Variants in SNX30 observed in about 807,000 individuals in gnomAD.
SNX30 encodes the protein sorting nexin-30.
Under a neutral mutation model 46.4 loss-of-function variants are expected in SNX30, and 24 were observed. The ratio of observed to expected loss-of-function variants is 0.52; its 90% CI spans 0.37 to 0.73. The LOEUF (loss-of-function observed/expected upper bound fraction) is 0.73. Ranked by LOEUF, SNX30 falls within the 30% of genes least tolerant of loss-of-function variation. SNX30 has a pLI of 0.00. For missense variants in SNX30, 533 were observed against 555.7 expected, an observed-to-expected ratio of 0.96 and a Z score of 0.41; for synonymous variants, 189 against 211.5, an observed-to-expected ratio of 0.89 and a Z score of 0.92.
intron 6 of SNX30, 79 bp downstream of exon 6, chr9:112,838,776 T>C: frequency 7.3e-7 from 1 of 1,372,786 alleles, no homozygotes; most frequent in Non-Finnish European, 1.0e-6. Context: ...TTATTGCCTG[T>C]TTGCATGTGA....
intron 2 of SNX30, 107 bp downstream of exon 2, chr9:112,805,074 A>G (rs1840204247): frequency 2.9e-6 from 2 of 697,228 alleles, no homozygotes; most frequent in African/African-American, 3.6e-5. Context: ...AACTCTGTTC[A>G]CCTTGATTGC....
At chr9:112,841,183 A>G (rs1190671244) in intron 6 of SNX30, among the ~76,000 whole-genome samples, 1 of 152,222 alleles carries the variant, frequency 6.6e-6, no homozygotes, top group African/African-American at 2.4e-5. Context: ...AATCCAATGC[A>G]TACACAGCAC....
chr9:112,880,179 A>C (rs960840694), exon 5 of SNX30: 8 of 164,996 alleles, frequency 4.8e-5, no homozygotes, highest in African/African-American at 1.9e-4. Flanking sequence ...AAAAATACAA[A>C]AATTAGCTGG....
intron 2 of SNX30, among the ~76,000 whole-genome samples, chr9:112,814,802 A>G (rs184369303): frequency 1.2e-4 from 18 of 152,334 alleles, no homozygotes; most frequent in East Asian, 1.9e-4. Flanking sequence ...CAGCAATTCT[A>G]TCTTTAGGAA....
chr9:112,849,897 C>T (rs1840997119), intron 6 of SNX30, among the ~76,000 whole-genome samples: 1 of 152,226 alleles, frequency 6.6e-6, no homozygotes, highest in Non-Finnish European at 1.5e-5. Flanking sequence ...TCTCATCACT[C>T]TTGGTTTGCC....
chr9:112,817,854 C>A, intron 3 of SNX30, 39 bp downstream of exon 3: 2 of 1,363,606 alleles, frequency 1.5e-6, no homozygotes, highest in Non-Finnish European at 2.1e-6. Context: ...CTCACTTGTC[C>A]TGTGTTGTCT....
intron 4 of SNX30, among the ~76,000 whole-genome samples, chr9:112,834,873 CACACACA>C (rs1564285828): frequency 2.1e-5 from 2 of 94,686 alleles, no homozygotes; most frequent in Non-Finnish European, 5.5e-5. Flanking sequence ...CACACACACA[CACACACA>C]CACCTACCTC....
Position 112,872,017 on chromosome 9 carries a change from T to G in SNX30, c.*3174T>G, listed in dbSNP as rs1841454389. 1 of 152,244 alleles carries G rather than the reference T, an allele frequency of 6.6e-6. No homozygotes were observed. The highest frequency in any genetic ancestry group is 1.5e-5 in the Non-Finnish European group (1 of 68,048). 9.4% of individuals were successfully genotyped at this position (152,244 alleles called of 1,614,324 possible). A position where few individuals can be genotyped will look rare whatever the true frequency, so the allele number is the denominator to read the frequency against. On this transcript the variant is annotated 3_prime_UTR_variant, in exon 9 of 9. Coordinates refer to ENST00000374232, the MANE Select transcript of SNX30 (RefSeq NM_001012994.2). ...GCTCCATATTCCACCACGTCATTCCTTCAACTCACCAGACACCTTTCTTTA... is the reference window on the plus strand; with the variant it reads ...GCTCCATATTCCACCACGTCATTCCGTCAACTCACCAGACACCTTTCTTTA...
In SNX30 at chr9:112,868,882, G is replaced by A. The variant is rs116220712; in HGVS notation, c.*39G>A. 2.2e-3 allele frequency: 3,449 copies of A among 1,598,954 alleles called. 62 individuals carry two copies. In the African/African-American group the frequency reaches 0.038, roughly 18 times the overall value. ...GACGGAGACTCTTCTACCTACACAG[G>A]GCCTGGCACCCTATACCGGAATGTC... On this transcript the variant is annotated 3_prime_UTR_variant, in exon 9 of 9. Coordinates refer to ENST00000374232, the MANE Select transcript of SNX30 (RefSeq NM_001012994.2).
chr9:112,879,030 T>C (rs1841547140), downstream of SNX30: 1 of 152,190 alleles, frequency 6.6e-6, no homozygotes, highest in East Asian at 1.9e-4. Flanking sequence ...CTCCTCTTCC[T>C]TCACACCACC....
At chr9:112,864,876 A>T (rs1400533881) in intron 8 of SNX30, among the ~76,000 whole-genome samples, 1 of 152,140 alleles carries the variant, frequency 6.6e-6, no homozygotes, top group Non-Finnish European at 1.5e-5. Context: ...CAAAATATTG[A>T]TTTTAAATAC....
chr9:112,832,510 G>GA (rs1554754473), intron 4 of SNX30, among the ~76,000 whole-genome samples: 12,439 of 138,058 alleles, frequency 0.09, 951 homozygotes, highest in African/African-American at 0.18. Context: ...GAGAGAGAGA[G>GA]AGGAGATTTA....
chr9:112,778,002 C>G (rs1383488552), intron 1 of SNX30, among the ~76,000 whole-genome samples: 1 of 152,034 alleles, frequency 6.6e-6, no homozygotes, highest in South Asian at 2.1e-4. Flanking sequence ...CTAGGTGTCT[C>G]TTGTATTTGG....
At position 112,872,828 on chromosome 9, in the gene SNX30, C is replaced by G. The variant is rs966776407; in HGVS notation, c.*3985C>G. The G allele has an allele frequency of 1.3e-5, 2 of 152,194 alleles. No homozygotes were observed. The highest frequency in any genetic ancestry group is 4.8e-5 in the African/African-American group (2 of 41,434). 9.4% of individuals were successfully genotyped at this position (152,194 alleles called of 1,614,324 possible). On this transcript the variant is annotated 3_prime_UTR_variant, in exon 9 of 9. Coordinates refer to ENST00000374232, the MANE Select transcript of SNX30 (RefSeq NM_001012994.2). ...CTCTCATTTCTTGTGTCTTGTCTGT[C>G]AGATGGCAGGAGGCCTGTATCAGTA...
At chr9:112,880,701 A>G (rs1320583445) in intron 5 of SNX30, among the ~76,000 whole-genome samples, 1 of 152,178 alleles carries the variant, frequency 6.6e-6, no homozygotes, top group East Asian at 1.9e-4. Flanking sequence ...TTACTGTGCA[A>G]TGGGCAATTG....
At chr9:112,867,179 C>T (rs111207447) in intron 8 of SNX30, among the ~76,000 whole-genome samples, 1 of 144,876 alleles carries the variant, frequency 6.9e-6, no homozygotes, top group Non-Finnish European at 1.5e-5. Flanking sequence ...AGGATTCCTC[C>T]TCCCTCCTCA....
chr9:112,862,096 A>G (rs1452199804), intron 7 of SNX30, among the ~76,000 whole-genome samples: 1 of 152,238 alleles, frequency 6.6e-6, no homozygotes, highest in Non-Finnish European at 1.5e-5. Flanking sequence ...AATATTTCCC[A>G]GACCGAGGCT....
At chr9:112,868,572 T>G (rs761941475) in intron 8 of SNX30, among the ~76,000 whole-genome samples, 6 of 152,352 alleles carry the variant, frequency 3.9e-5, no homozygotes, top group Admixed American at 6.5e-5. Flanking sequence ...CTTGCAGAGA[T>G]ATTGCTGTCT....
At chr9:112,862,595 G>A (rs1460563251) in intron 7 of SNX30, among the ~76,000 whole-genome samples, 1 of 152,130 alleles carries the variant, frequency 6.6e-6, no homozygotes, top group Non-Finnish European at 1.5e-5. Flanking sequence ...TTAAATCATG[G>A]CATCAGAAGA....
Sources: allele counts gnomAD v4.1 joint callset (sites outside exome capture counted in the v4.1 genomes callset), GRCh38; gene constraint gnomAD v4.1.1; transcripts MANE v1.5; gene names NCBI Gene and HGNC (gene_info 2026-07-23, HGNC 2026-07-21).